The following IMPDH1 variants were observed in gnomAD, a reference collection of about 807,000 sequenced individuals.
The protein encoded by IMPDH1 is inosine-5'-monophosphate dehydrogenase 1.
In IMPDH1, 41 loss-of-function variants were observed where a neutral mutation model predicts 73.5. The ratio of observed to expected loss-of-function variants is 0.56; its 90% CI spans 0.43 to 0.72. IMPDH1 has a LOEUF of 0.72. Ranked by LOEUF, IMPDH1 falls within the 30% of genes least tolerant of loss-of-function variation. The pLI is 0.00. For synonymous variants in IMPDH1, 318 were observed against 334.3 expected, an observed-to-expected ratio of 0.95 and a Z score of 0.53; for missense variants, 645 against 824.8, an observed-to-expected ratio of 0.78 and a Z score of 2.67.
rs755261358 is a variant in IMPDH1 at position 128,409,405 on chromosome 7, A to G, written c.190+36T>C. ...AGCCAAGTCAGTCGGACAGGACTCC[A>G]GCAAGCACTGTTTGAACCCCAGGAG... On this transcript the variant is annotated intron_variant, in intron 2 of 16. Transcript: ENST00000338791. 4 of 1,614,028 alleles carry G rather than the reference A, an allele frequency of 2.5e-6. No homozygotes were observed. The African/African-American group carries it at 5.3e-5, about 22-fold the overall frequency.
Position 128,400,902 on chromosome 7 carries a change from A to AG in IMPDH1, c.505-12dup. On this transcript the variant is annotated splice_polypyrimidine_tract_variant and intron_variant, in intron 6 of 16. Coordinates refer to ENST00000338791, the MANE Select transcript of IMPDH1 (RefSeq NM_000883.4). ...AATACCTCCCATCAGCTGATGTAGA[A>AG]GGGAAGTGTGGTCAGAGCCGGGGCC... The AG allele has an allele frequency of 1.9e-6, 3 of 1,613,010 alleles. No homozygotes were observed. The highest frequency in any genetic ancestry group is 1.6e-4 in the Middle Eastern group (1 of 6,062).
In IMPDH1 at chr7:128,394,354, T is replaced by C; in HGVS notation, c.1702A>G (p.Met568Val). 1.9e-6 allele frequency: 3 copies of C among 1,613,872 alleles called. No individual in the cohort carries two copies. Among genetic ancestry groups the C allele is most frequent in the Non-Finnish European group, 2.5e-6 (3 of 1,179,892 alleles). The change falls in exon 16 of 17, where the codon ATG becomes GTG. Residue 568 changes from methionine (M) to valine (V), a missense_variant. Around this residue, in one of 2 missense-constraint regions of IMPDH1, gnomAD observed 459 missense variants for 638.2 expected, o/e 0.72. Transcript: ENST00000338791. This position sits in a 1 kb window ranked among gnomAD's most constrained non-coding sequence, Gnocchi z 5.5. ...ARSLSVLRSMMYSGELKFEKR... is the reference protein window; with the variant it reads ...ARSLSVLRSMVYSGELKFEKR... ...TCAAACTTGAGCTCTCCTGAGTACA[T>C]CATGGACCTAGGAGGAAGGTAGGTG... is the stretch of plus-strand genomic sequence containing the variant.
rs550075717 is a variant in IMPDH1, at chr7:128,392,611, G to C, written c.*396C>G. The C allele has an allele frequency of 4.5e-6, 1 of 224,708 alleles. No homozygotes were observed. The highest frequency in any genetic ancestry group is 8.9e-6 in the Non-Finnish European group (1 of 112,014). 13.9% of individuals were successfully genotyped at this position (224,708 alleles called of 1,614,324 possible). ...GGGCAGCGGCCCGGGAAGGGCCAGA[G>C]GCAGGGCCAGGAGAGCACCATTTCC... On this transcript the variant is annotated 3_prime_UTR_variant, in exon 17 of 17. Transcript: ENST00000338791.
chr7:128,395,047 G>C lies in IMPDH1; in HGVS notation c.1406-14C>G. ...AGCCCATCATCACTACAGTGGGCAAGGGATTAGTGCCTCCAGCCCACTAGT... is the reference window on the plus strand; with the variant it reads ...AGCCCATCATCACTACAGTGGGCAACGGATTAGTGCCTCCAGCCCACTAGT... On this transcript the variant is annotated splice_polypyrimidine_tract_variant and intron_variant, in intron 13 of 16. Coordinates refer to ENST00000338791, the MANE Select transcript of IMPDH1 (RefSeq NM_000883.4). 3 of 1,613,914 alleles carry C rather than the reference G, an allele frequency of 1.9e-6. No individual in the cohort carries two copies. The highest frequency in any genetic ancestry group is 2.5e-6 in the Non-Finnish European group (3 of 1,180,026).
In IMPDH1 at chr7:128,409,974, C is replaced by G. The variant is rs906905615; in HGVS notation, c.-73G>C. The G allele has an allele frequency of 1.4e-4, 172 of 1,250,482 alleles. No individual in the cohort carries two copies. Among genetic ancestry groups the G allele is most frequent in the African/African-American group, 3.1e-5 (2 of 63,540 alleles). 77.5% of individuals were successfully genotyped at this position (1,250,482 alleles called of 1,614,324 possible). ...CCCCGGCTGGGCAGTGAGCGCAGCC[C>G]GGTCGAGTCCCGAGGAGGGGCGGGG... On this transcript the variant is annotated 5_prime_UTR_variant, in exon 1 of 17. Transcript: ENST00000338791.
At position 128,392,840 on chromosome 7, in the gene IMPDH1, G is replaced by A. The variant is rs1046329036; in HGVS notation, c.*167C>T. 1.0e-5 allele frequency: 7 copies of A among 673,612 alleles called. No homozygotes were observed. The Middle Eastern group carries it at 1.2e-3, about 116-fold the overall frequency. 41.7% of individuals were successfully genotyped at this position (673,612 alleles called of 1,614,324 possible). A position where few individuals can be genotyped will look rare whatever the true frequency, so the allele number is the denominator to read the frequency against. On this transcript the variant is annotated 3_prime_UTR_variant, in exon 17 of 17. Transcript: ENST00000338791. ...CAGTCCTGACTCTGCAGGGGATGCC[G>A]AGTGAGGGGCAGCAGTCCCCTCAGG...
In IMPDH1 at chr7:128,393,020, T is replaced by C. The variant is rs2116574320; in HGVS notation, c.1787A>G (p.Lys596Arg). Residue 596 changes from lysine (K) to arginine (R), a missense_variant, in exon 17 of 17, where the codon AAG becomes AGG. By Grantham distance (26) the Lys-to-Arg change is conservative. Transcript: ENST00000338791. ...GGVHGLHSYEKRLY is the reference protein window; with the variant it reads ...GGVHGLHSYERRLY ...CCACCGCTGTCCTCAGTACAGCCGC[T>C]TTTCGTAACTGTGGGGACAAGGCAA... 1 of 1,613,630 alleles carries C rather than the reference T, an allele frequency of 6.2e-7. No homozygotes were observed. The highest frequency in any genetic ancestry group is 1.1e-5 in the South Asian group (1 of 91,072).
intron 3 of IMPDH1, among the ~76,000 whole-genome samples, chr7:128,406,997 C>T (rs1798820267): frequency 6.6e-6 from 1 of 152,176 alleles, no homozygotes; most frequent in African/African-American, 2.4e-5. Context: ...GATAGGTTCA[C>T]ATGGGGAAAG....
Position 128,394,368 on chromosome 7 carries a change from G to C in IMPDH1, c.1695-7C>G, listed in dbSNP as rs1488952195. 6 of 1,613,876 alleles carry C rather than the reference G, an allele frequency of 3.7e-6. No individual in the cohort carries two copies. Among genetic ancestry groups the C allele is most frequent in the Middle Eastern group, 1.6e-4 (1 of 6,062 alleles). On this transcript the variant is annotated splice_region_variant and splice_polypyrimidine_tract_variant and intron_variant, in intron 15 of 16. Transcript: ENST00000338791. This position sits in a 1 kb window ranked among gnomAD's most constrained non-coding sequence, Gnocchi z 5.5. ...TCCTGAGTACATCATGGACCTAGGA[G>C]GAAGGTAGGTGGAGCAGATCAGGGC...
intron 7 of IMPDH1, 104 bp from the exon 8 acceptor site, chr7:128,400,643 G>A: frequency 7.7e-7 from 1 of 1,301,254 alleles, no homozygotes; most frequent in African/African-American, 1.5e-5. Flanking sequence ...GAGAAGCCAG[G>A]ACCCTCAGTG....
intron 1 of IMPDH1, 67 bp downstream of exon 1, chr7:128,409,689 G>A: frequency 1.3e-6 from 2 of 1,522,610 alleles, no homozygotes; most frequent in East Asian, 2.5e-5. Flanking sequence ...CCGGGTTCCC[G>A]GAGCCGCCGC....
At chr7:128,404,854 A>G (rs1447191677) in intron 4 of IMPDH1, among the ~76,000 whole-genome samples, 2 of 152,184 alleles carry the variant, frequency 1.3e-5, no homozygotes. Context: ...TGGGCCTCAT[A>G]GCATTTTCTA....
rs1798054104 is a variant in IMPDH1, at chr7:128,398,106, T to C, written c.1074+308A>G. 2.0e-5 allele frequency among the ~76,000 whole-genome samples: 3 copies of C among 152,216 alleles called. No homozygotes were observed. Among genetic ancestry groups the C allele is most frequent in the South Asian group, 4.1e-4 (2 of 4,828 alleles). On this transcript the variant is annotated intron_variant, in intron 10 of 16. Transcript: ENST00000338791. This position sits in a 1 kb window ranked among gnomAD's most constrained non-coding sequence, Gnocchi z 4.3. ...GCTGTGCCACTGGAGAATTTTAACTTGTTTGTTTTCTTTCTTTGTATCTCA... is the reference window on the plus strand; with the variant it reads ...GCTGTGCCACTGGAGAATTTTAACTCGTTTGTTTTCTTTCTTTGTATCTCA...
chr7:128,399,546 G>C (rs549782895), intron 9 of IMPDH1, among the ~76,000 whole-genome samples: 2 of 151,708 alleles, frequency 1.3e-5, no homozygotes, highest in Non-Finnish European at 2.9e-5. Flanking sequence ...AAATTAGCTG[G>C]TATAGTAGCA....
intron 4 of IMPDH1, among the ~76,000 whole-genome samples, chr7:128,404,628 G>C (rs561129937): frequency 6.6e-6 from 1 of 152,262 alleles, no homozygotes; most frequent in African/African-American, 2.4e-5. Context: ...ACAGGGTGGA[G>C]GGGGGTGGGT....
intron 5 of IMPDH1, among the ~76,000 whole-genome samples, chr7:128,402,314 G>A (rs1798397326): frequency 1.3e-5 from 2 of 152,072 alleles, no homozygotes; most frequent in Non-Finnish European, 2.9e-5. Context: ...TGTTGGCCAG[G>A]CTGGTCTCAA....
At chr7:128,402,975 C>A (rs1178421407) in intron 5 of IMPDH1, among the ~76,000 whole-genome samples, 1 of 152,210 alleles carries the variant, frequency 6.6e-6, no homozygotes, top group East Asian at 1.9e-4. Context: ...GGTTTCAAAT[C>A]TCCATAATTT....
intron 6 of IMPDH1, 28 bp from the exon 7 acceptor site, chr7:128,400,919 G>A: frequency 4.4e-6 from 7 of 1,608,826 alleles, no homozygotes; most frequent in Non-Finnish European, 6.0e-6. Flanking sequence ...TGTGGTCAGA[G>A]CCGGGGCCCA....
rs1797920696 is a variant in IMPDH1 at position 128,396,473 on chromosome 7, T to C, written c.1261+127A>G. Reference sequence around the variant, plus strand: ...AGTGGGCCCGATGGGGTGGGGCCCATGCCTGGGTCACCCCGGAGCCTACCA... The same window carrying C: ...AGTGGGCCCGATGGGGTGGGGCCCACGCCTGGGTCACCCCGGAGCCTACCA... On this transcript the variant is annotated intron_variant, in intron 12 of 16. Coordinates refer to ENST00000338791, the MANE Select transcript of IMPDH1 (RefSeq NM_000883.4). This position sits in a 1 kb window ranked among gnomAD's most constrained non-coding sequence, Gnocchi z 4.0. The C allele has an allele frequency of 2.5e-6, 2 of 803,896 alleles. No homozygotes were observed. Among genetic ancestry groups the C allele is most frequent in the Admixed American group, 2.0e-5 (1 of 49,954 alleles). The allele number at this position is 803,896 out of a possible 1,614,324, so 49.8% of individuals were successfully genotyped here. A position where few individuals can be genotyped will look rare whatever the true frequency, so the allele number is the denominator to read the frequency against.
Sources: gnomAD v4.1 joint callset for allele counts (sites outside exome capture counted in the v4.1 genomes callset) on GRCh38, gnomAD v4.1.1 for gene constraint, gnomAD v4.1.1 regional missense constraint, Gnocchi (gnomAD v3.1) non-coding constraint, MANE v1.5 for transcripts, NCBI Gene and HGNC (gene_info 2026-07-23, HGNC 2026-07-21) for gene names.